Variants in CFAP206 observed in about 807,000 individuals in gnomAD.
CFAP206 encodes cilia- and flagella-associated protein 206.
CFAP206 carries 53 observed loss-of-function variants against 65.4 expected under a neutral mutation model. The observed-to-expected ratio is 0.81, with a 90% CI of 0.65 to 1.02. The LOEUF is 1.02. Ranked by LOEUF, CFAP206 falls within the 50% of genes least tolerant of loss-of-function variation. CFAP206 has a pLI of 0.00. For synonymous variants in CFAP206, 250 were observed against 254.4 expected, an observed-to-expected ratio of 0.98 and a Z score of 0.17; for missense variants, 663 against 753.2, an observed-to-expected ratio of 0.88 and a Z score of 1.40.
intron 11 of CFAP206, among the ~76,000 whole-genome samples, chr6:87,452,158 A>G (rs1178469846): frequency 1.3e-5 from 2 of 152,154 alleles, no homozygotes; most frequent in Non-Finnish European, 2.9e-5. Context: ...AAGGGAGGAG[A>G]ACAAGAGACT....
intron 10 of CFAP206, among the ~76,000 whole-genome samples, chr6:87,431,552 G>C (rs1341923632): frequency 6.6e-6 from 1 of 152,164 alleles, no homozygotes; most frequent in East Asian, 1.9e-4. Flanking sequence ...GATCACTTGA[G>C]GTCAGGAGTT....
rs1767818724 is a variant in CFAP206, at chr6:87,415,779, A to T, written c.377A>T (p.Glu126Val). 1 of 1,613,648 alleles carries T rather than the reference A, an allele frequency of 6.2e-7. No homozygotes were observed. Among genetic ancestry groups the T allele is most frequent in the Non-Finnish European group, 8.5e-7 (1 of 1,179,812 alleles). ...GATAACAGAGCATGTGCTAAAGAAG[A>T]ATTGGAAAGCCTCTACCGGAAGATT... ...ITDNRACAKEELESLYRKIIS... is the reference protein window; with the variant it reads ...ITDNRACAKEVLESLYRKIIS... Residue 126 changes from glutamate to valine, a missense_variant, in exon 5 of 13, where the codon GAA (glutamate) becomes GTA (valine). Physicochemically the swap from Glu to Val is moderately radical, Grantham distance 121. Transcript: ENST00000369562.
chr6:87,448,521 C>T (rs1308568570), intron 11 of CFAP206, among the ~76,000 whole-genome samples: 1 of 152,024 alleles, frequency 6.6e-6, no homozygotes, highest in South Asian at 2.1e-4. Flanking sequence ...ATTCAGAATC[C>T]TCTCCTCTGG....
chr6:87,454,445 A>ATCTATC (rs1280581035), intron 11 of CFAP206, among the ~76,000 whole-genome samples: 16 of 152,240 alleles, frequency 1.1e-4, no homozygotes, highest in African/African-American at 3.9e-4. Flanking sequence ...TTTCCTTAGC[A>ATCTATC]CATGGATCAG....
At chr6:87,441,959 G>A in intron 11 of CFAP206, 1 of 254,246 alleles carries the variant, frequency 3.9e-6, no homozygotes. Context: ...CTGTCACTGA[G>A]TACATAAGCT....
intron 1 of CFAP206, among the ~76,000 whole-genome samples, chr6:87,409,132 T>C (rs1056544846): frequency 6.6e-6 from 1 of 152,192 alleles, no homozygotes; most frequent in Non-Finnish European, 1.5e-5. Flanking sequence ...AAGGGTCATT[T>C]AATGAATGTG....
chr6:87,415,852 CAA>C lies in CFAP206; in HGVS notation c.451_452del (p.Lys151AspfsTer26), dbSNP rs1767820957. Reference sequence around the variant, plus strand: ...CTGGCCTTGGATCCCCTACAGACATCAAGACTGTCAGAGAGGTAACAGGTAAA... The same window carrying C: ...CTGGCCTTGGATCCCCTACAGACATCGACTGTCAGAGAGGTAACAGGTAAA... ...RSGLGSPTDIKTVREVTAALQ... is the reference protein window; with the variant it reads ...RSGLGSPTDIXTVREVTAALQ... On this transcript the variant is annotated frameshift_variant, in exon 5 of 13. Transcript: ENST00000369562. LOFTEE classifies it high-confidence loss of function. The C allele has an allele frequency of 6.3e-7, 1 of 1,588,174 alleles. No individual in the cohort carries two copies. The highest frequency in any genetic ancestry group is 2.3e-5 in the East Asian group (1 of 44,280).
chr6:87,441,994 C>CTT, intron 11 of CFAP206: 1 of 244,236 alleles, frequency 4.1e-6, no homozygotes, highest in East Asian at 1.1e-4. Flanking sequence ...TTTTGTCACA[C>CTT]TTATGATGGA....
intron 11 of CFAP206, among the ~76,000 whole-genome samples, chr6:87,439,898 A>AT (rs1479606409): frequency 6.6e-6 from 1 of 152,094 alleles, no homozygotes; most frequent in Admixed American, 6.6e-5. Context: ...TCCTATACTG[A>AT]TATCTTCAAT....
chr6:87,408,363 C>G lies in CFAP206; in HGVS notation c.-6+274C>G, dbSNP rs11964212. 644 of 74,472 alleles carry G rather than the reference C, an allele frequency of 8.6e-3. 32 individuals carry two copies. Among genetic ancestry groups the G allele is most frequent in the African/African-American group, 0.018 (293 of 16,016 alleles). 4.6% of individuals were successfully genotyped at this position (74,472 alleles called of 1,614,324 possible). A position where few individuals can be genotyped will look rare whatever the true frequency, so the allele number is the denominator to read the frequency against. ...CTTCTGTTTCGCTCCACTGGCTACCCCAGAAGCCGGACCTCGGGAGACTTA... is the reference window on the plus strand; with the variant it reads ...CTTCTGTTTCGCTCCACTGGCTACCGCAGAAGCCGGACCTCGGGAGACTTA... On this transcript the variant is annotated intron_variant, in intron 1 of 12. Transcript: ENST00000369562.
intron 11 of CFAP206, among the ~76,000 whole-genome samples, chr6:87,445,971 CAT>C (rs539490030): frequency 3.9e-5 from 6 of 152,032 alleles, no homozygotes; most frequent in African/African-American, 1.4e-4. Context: ...AGCTTTTTTT[CAT>C]ATGTTTGTTG....
chr6:87,434,852 A>T lies in CFAP206; in HGVS notation c.1301-8A>T. On this transcript the variant is annotated splice_region_variant and splice_polypyrimidine_tract_variant and intron_variant, in intron 10 of 12. Transcript: ENST00000369562. ...ACATTTCATATCTAATTCTTTTTTT[A>T]TTTTCAGGAAATCCAGCAATTGGAA... is the stretch of plus-strand genomic sequence containing the variant. 7.7e-7 allele frequency: 1 copy of T among 1,292,478 alleles called. No homozygotes were observed. The highest frequency in any genetic ancestry group is 1.1e-6 in the Non-Finnish European group (1 of 930,298). 80.1% of individuals were successfully genotyped at this position (1,292,478 alleles called of 1,614,324 possible). A position where few individuals can be genotyped will look rare whatever the true frequency, so the allele number is the denominator to read the frequency against.
chr6:87,463,654 A>T (rs944454039), intron 12 of CFAP206, among the ~76,000 whole-genome samples: 2 of 152,318 alleles, frequency 1.3e-5, no homozygotes, highest in African/African-American at 4.8e-5. Flanking sequence ...TATAAATCTT[A>T]TATTTTTGTT....
chr6:87,418,609 TAGA>T (rs979820790), intron 7 of CFAP206, among the ~76,000 whole-genome samples, 193 bp downstream of exon 7: 2 of 152,172 alleles, frequency 1.3e-5, no homozygotes, highest in Non-Finnish European at 2.9e-5. Flanking sequence ...AATATTTTGG[TAGA>T]AGTTGAATTT....
chr6:87,450,745 A>G (rs1434340842), intron 11 of CFAP206, among the ~76,000 whole-genome samples: 4 of 152,134 alleles, frequency 2.6e-5, no homozygotes, highest in Admixed American at 2.6e-4. Flanking sequence ...GAGAGCAATC[A>G]CAGTACCTTT....
At chr6:87,414,980 G>T (rs530035791) in intron 4 of CFAP206, among the ~76,000 whole-genome samples, 79 of 152,174 alleles carry the variant, frequency 5.2e-4, no homozygotes, top group African/African-American at 1.9e-3. Flanking sequence ...TAAACTGTGC[G>T]TGGTGGATAT....
At chr6:87,426,836 G>A (rs12529631) in intron 8 of CFAP206, among the ~76,000 whole-genome samples, 191 bp downstream of exon 8, 5,740 of 152,222 alleles carry the variant, frequency 0.038, 133 homozygotes, top group Middle Eastern at 0.078. Flanking sequence ...CCCCACATAA[G>A]CAACTGCTAC....
intron 11 of CFAP206, among the ~76,000 whole-genome samples, chr6:87,452,607 G>A (rs1412115406): frequency 6.6e-6 from 1 of 152,052 alleles, no homozygotes; most frequent in Non-Finnish European, 1.5e-5. Flanking sequence ...AGAAGGAAAT[G>A]AGAATCCCAT....
intron 9 of CFAP206, among the ~76,000 whole-genome samples, chr6:87,429,099 G>A (rs760057656): frequency 2.0e-5 from 3 of 152,076 alleles, no homozygotes; most frequent in African/African-American, 4.8e-5. Context: ...GGTGGTGGGC[G>A]CCTGTAATCC....
Sources: gnomAD v4.1 joint callset for allele counts (sites outside exome capture counted in the v4.1 genomes callset) on GRCh38, gnomAD v4.1.1 for gene constraint, MANE v1.5 for transcripts, NCBI Gene and HGNC (gene_info 2026-07-23, HGNC 2026-07-21) for gene names.